The following C1QTNF3 variants were observed in gnomAD, a reference collection of about 807,000 sequenced individuals.
C1QTNF3 encodes the protein complement C1q tumor necrosis factor-related protein 3.
Under a neutral mutation model 32.6 loss-of-function variants are expected in C1QTNF3, and 26 were observed. The ratio of observed to expected loss-of-function variants is 0.80; its 90% CI spans 0.58 to 1.11. C1QTNF3 has a LOEUF of 1.11. Among genes scored for constraint, C1QTNF3 ranks in the 50% least tolerant of loss-of-function variants. The pLI is 0.00. For missense variants in C1QTNF3, 362 were observed against 398.2 expected (o/e 0.91, Z 0.77); for synonymous variants, 155 against 146.0 (o/e 1.06, Z -0.44).
At chr5:34,132,435 G>GTATATATATATATATATATA in the C1QTNF3 span, among the ~76,000 whole-genome samples, 73 of 137,680 alleles carry the variant, frequency 5.3e-4, no homozygotes, top group African/African-American at 1.6e-3. Context: ...GTATGTGTAT[G>GTATATATATATATATATATA]TATATATATA....
the C1QTNF3 span, among the ~76,000 whole-genome samples, chr5:34,082,041 C>T: frequency 6.6e-6 from 1 of 151,652 alleles, no homozygotes; most frequent in Non-Finnish European, 1.5e-5. Flanking sequence ...ATTTGAGCAA[C>T]CTTGACCTTT....
At chr5:34,225,874 T>C in the C1QTNF3 span, among the ~76,000 whole-genome samples, 3 of 152,098 alleles carry the variant, frequency 2.0e-5, no homozygotes, top group East Asian at 5.8e-4. Flanking sequence ...AATACATGCA[T>C]TGTTGATTTA....
the C1QTNF3 span, chr5:34,165,387 A>ATG: frequency 1.3e-5 from 2 of 151,946 alleles, no homozygotes; most frequent in Non-Finnish European, 2.9e-5. Flanking sequence ...AGGTATATGC[A>ATG]TGTGTGTATA....
At chr5:34,155,310 C>T in the C1QTNF3 span, among the ~76,000 whole-genome samples, 1 of 152,164 alleles carries the variant, frequency 6.6e-6, no homozygotes, top group Non-Finnish European at 1.5e-5. Flanking sequence ...GAATAATGCA[C>T]TTTATACACA....
the C1QTNF3 span, among the ~76,000 whole-genome samples, chr5:34,178,466 C>T: frequency 3.3e-5 from 5 of 152,276 alleles, no homozygotes; most frequent in Admixed American, 3.3e-4. Flanking sequence ...TCAACTCCAA[C>T]CCTGGAGTTA....
At chr5:34,177,529 C>T in the C1QTNF3 span, among the ~76,000 whole-genome samples, 1 of 149,284 alleles carries the variant, frequency 6.7e-6, no homozygotes, top group African/African-American at 2.5e-5. Flanking sequence ...CTCTGTCGCC[C>T]AGGCTGGAGT....
chr5:34,024,064 C>G, intron 4 of C1QTNF3, 56 bp from the exon 5 acceptor site: 1 of 1,282,412 alleles, frequency 7.8e-7, no homozygotes, highest in Admixed American at 1.8e-5. Flanking sequence ...CATTGAGGAC[C>G]TGGAGATACC....
At chr5:34,138,730 T>G in the C1QTNF3 span, among the ~76,000 whole-genome samples, 11 of 152,324 alleles carry the variant, frequency 7.2e-5, no homozygotes, top group African/African-American at 2.6e-4. Context: ...AATTTGATTT[T>G]ATTTTATAGA....
chr5:34,173,894 G>A, the C1QTNF3 span, among the ~76,000 whole-genome samples: 2 of 151,840 alleles, frequency 1.3e-5, no homozygotes, highest in Non-Finnish European at 2.9e-5. Flanking sequence ...AATTTCTAGA[G>A]ATAAAGTGAA....
the C1QTNF3 span, among the ~76,000 whole-genome samples, chr5:34,091,158 G>A: frequency 1.4e-4 from 22 of 152,116 alleles, no homozygotes; most frequent in Non-Finnish European, 2.4e-4. Context: ...GACCTACCCC[G>A]CTTTGATAGA....
the C1QTNF3 span, among the ~76,000 whole-genome samples, chr5:34,090,063 C>T: frequency 6.6e-6 from 1 of 152,130 alleles, no homozygotes; most frequent in Admixed American, 6.6e-5. Flanking sequence ...TTGCTCATCA[C>T]TGAAAATCGT....
chr5:34,169,561 A>T, the C1QTNF3 span, among the ~76,000 whole-genome samples: 2 of 152,064 alleles, frequency 1.3e-5, no homozygotes, highest in Non-Finnish European at 2.9e-5. Context: ...CATTTTATAG[A>T]TTGCCTTTTC....
the C1QTNF3 span, among the ~76,000 whole-genome samples, chr5:34,148,015 G>A: frequency 6.6e-5 from 10 of 152,232 alleles, no homozygotes; most frequent in Admixed American, 1.3e-4. Flanking sequence ...TGCGCGAGCC[G>A]AAGCAGGGCA....
At chr5:34,153,753 G>C in the C1QTNF3 span, among the ~76,000 whole-genome samples, 1 of 106,354 alleles carries the variant, frequency 9.4e-6, no homozygotes, top group African/African-American at 3.6e-5. Context: ...TATACCTAAT[G>C]CTAGATGACA....
intron 4 of C1QTNF3, among the ~76,000 whole-genome samples, chr5:34,025,581 G>T (rs560216472): frequency 3.3e-5 from 5 of 152,114 alleles, no homozygotes; most frequent in Non-Finnish European, 5.9e-5. Flanking sequence ...AGCCTTCTCC[G>T]TCTCTTCACT....
chr5:34,027,382 T>C (rs1348733512), intron 4 of C1QTNF3, among the ~76,000 whole-genome samples: 1 of 152,202 alleles, frequency 6.6e-6, no homozygotes, highest in Non-Finnish European at 1.5e-5. Context: ...CCTACAGATA[T>C]ACCTGTAAGT....
At chr5:34,055,354 T>C in the C1QTNF3 span, among the ~76,000 whole-genome samples, 2 of 152,228 alleles carry the variant, frequency 1.3e-5, no homozygotes, top group Non-Finnish European at 1.5e-5. Context: ...CAGCAGGACA[T>C]TGAATCCCAC....
chr5:34,108,424 T>C, the C1QTNF3 span, among the ~76,000 whole-genome samples: 1 of 152,184 alleles, frequency 6.6e-6, no homozygotes. Flanking sequence ...AAGTCCACCT[T>C]AGGTGTTCTT....
At chr5:34,196,677 T>TTTG in the C1QTNF3 span, among the ~76,000 whole-genome samples, 1 of 151,816 alleles carries the variant, frequency 6.6e-6, no homozygotes, top group Non-Finnish European at 1.5e-5. Flanking sequence ...TTTTTTTTTT[T>TTTG]GAGATGGAGT....
Sources: gnomAD v4.1 joint callset for allele counts (sites outside exome capture counted in the v4.1 genomes callset) on GRCh38, gnomAD v4.1.1 for gene constraint, MANE v1.5 for transcripts, NCBI Gene and HGNC (gene_info 2026-07-23, HGNC 2026-07-21) for gene names.